SLC28A2: variants seen among roughly 807,000 people sequenced by gnomAD.
The protein encoded by SLC28A2 is solute carrier family 28 member 2, also known as sodium/nucleoside cotransporter 2.
In SLC28A2, 69 loss-of-function variants were observed where a neutral mutation model predicts 72.9. That is an observed-to-expected ratio of 0.95 (90% CI 0.78 to 1.16). The LOEUF (loss-of-function observed/expected upper bound fraction) is 1.16, where lower values mean the gene tolerates loss of function less well. SLC28A2 is among the 50% of genes most tolerant of loss of function. The pLI is 0.00. For synonymous variants in SLC28A2, 296 were observed against 294.1 expected (o/e 1.01, Z -0.07); for missense variants, 745 against 791.1 (o/e 0.94, Z 0.70).
Position 45,264,001 on chromosome 15 carries a change from C to T in SLC28A2, c.567C>T (p.Ala189=), listed in dbSNP as rs751519946. Residue 189 remains alanine, a synonymous_variant, in exon 6 of 18, where the codon GCC becomes GCT. Transcript: ENST00000347644. ...GCATGTTCATCCTTATCCTCTTTGC[C>T]TGCTCCAAACACCACAGCGCAGTGA... is the stretch of plus-strand genomic sequence containing the variant. The part of the protein sequence containing the change: ...GICMFILILF[A]CSKHHSAVSW... 1.2e-6 allele frequency: 2 copies of T among 1,612,924 alleles called. No homozygotes were observed. Among genetic ancestry groups the T allele is most frequent in the South Asian group, 1.1e-5 (1 of 90,558 alleles).
intron 4 of SLC28A2, among the ~76,000 whole-genome samples, chr15:45,262,365 A>G (rs1423134405): frequency 6.6e-6 from 1 of 152,216 alleles, no homozygotes; most frequent in East Asian, 1.9e-4. Context: ...ATGGGGGCTT[A>G]TCCTTTTTTT....
intron 1 of SLC28A2, 111 bp from the exon 2 acceptor site, chr15:45,253,089 A>C (rs556067477): frequency 9.6e-6 from 6 of 623,756 alleles, no homozygotes; most frequent in African/African-American, 7.3e-5. Flanking sequence ...CTAAGCCTTC[A>C]AAGACTTTTA....
In SLC28A2 at chr15:45,267,445, G is replaced by GT; in HGVS notation, c.943-9dup. On this transcript the variant is annotated splice_polypyrimidine_tract_variant and intron_variant, in intron 10 of 17. Coordinates refer to ENST00000347644, the MANE Select transcript of SLC28A2 (RefSeq NM_004212.4). ...TTCTTGGAATCTGACTGTTTTCTCC[G>GT]TGTTTGTAGACAGAGGCACCTCTGC... The GT allele has an allele frequency of 6.2e-7, 1 of 1,614,068 alleles. No homozygotes were observed. The highest frequency in any genetic ancestry group is 8.5e-7 in the Non-Finnish European group (1 of 1,179,948).
chr15:45,253,949 CAGA>C (rs1376622269), intron 3 of SLC28A2: 1 of 157,116 alleles, frequency 6.4e-6, no homozygotes, highest in Non-Finnish European at 1.4e-5. Flanking sequence ...GGAGAAAACA[CAGA>C]AGGACTTATT....
In SLC28A2 at chr15:45,263,962, C is replaced by G; in HGVS notation, c.528C>G (p.Pro176=). ...CCCAAAGGCCAGAGCAGCTGATCCC[C>G]TTTGCAGGAATCTGCATGTTCATCC... is the stretch of plus-strand genomic sequence containing the variant. ...DTAQRPEQLI[P]FAGICMFILI... is the part of the protein sequence containing the mutation. The change falls in exon 6 of 18, where the codon CCC becomes CCG. Residue 176 remains proline, a synonymous_variant. Coordinates refer to ENST00000347644, the MANE Select transcript of SLC28A2 (RefSeq NM_004212.4). 1 of 1,613,700 alleles carries G rather than the reference C, an allele frequency of 6.2e-7. No individual in the cohort carries two copies. The highest frequency in any genetic ancestry group is 1.1e-5 in the South Asian group (1 of 90,884).
chr15:45,273,661 G>A (rs973418507), intron 17 of SLC28A2, among the ~76,000 whole-genome samples: 1 of 152,208 alleles, frequency 6.6e-6, no homozygotes. Flanking sequence ...GAATGGCAAG[G>A]AGACCAACAA....
rs1900252584 is a variant in SLC28A2 at position 45,264,161 on chromosome 15, A to G, written c.588+139A>G. 4 of 793,314 alleles carry G rather than the reference A, an allele frequency of 5.0e-6. 1 individual carries two copies. The South Asian group carries it at 1.3e-4, about 26-fold the overall frequency. 49.1% of individuals were successfully genotyped at this position (793,314 alleles called of 1,614,324 possible). A position where few individuals can be genotyped will look rare whatever the true frequency, so the allele number is the denominator to read the frequency against. On this transcript the variant is annotated intron_variant, in intron 6 of 17. Transcript: ENST00000347644. ...AACCCCTAGAATTTGCCTCTTTGAT[A>G]ATTTTGTTTCTAAGATAAGTTTAAA...
intron 7 of SLC28A2, 108 bp from the exon 8 acceptor site, chr15:45,264,981 C>A: frequency 1.1e-6 from 1 of 917,600 alleles, no homozygotes; most frequent in Non-Finnish European, 1.8e-6. Flanking sequence ...GGAGGCCAAC[C>A]TCAGTAGCAA....
chr15:45,262,927 T>C, intron 4 of SLC28A2, 134 bp from the exon 5 acceptor site: 1 of 666,860 alleles, frequency 1.5e-6, no homozygotes, highest in Non-Finnish European at 2.6e-6. Context: ...CAGTTCTGTC[T>C]GACAGTAGGG....
intron 15 of SLC28A2, among the ~76,000 whole-genome samples, chr15:45,270,841 T>C (rs560931267): frequency 5.3e-5 from 8 of 152,106 alleles, no homozygotes; most frequent in Non-Finnish European, 1.0e-4. Flanking sequence ...TTTCACCATG[T>C]TGGCCAAGCT....
chr15:45,256,860 A>G (rs1369523113), intron 3 of SLC28A2, among the ~76,000 whole-genome samples: 1 of 152,088 alleles, frequency 6.6e-6, no homozygotes, highest in African/African-American at 2.4e-5. Flanking sequence ...AAAACTACCT[A>G]AAGTATGTCT....
rs752423012 is a variant in SLC28A2, at chr15:45,267,776, G to A, written c.1179G>A (p.Glu393=). Residue 393 remains glutamate (E), a synonymous_variant, in exon 12 of 18, where the codon GAG becomes GAA. Coordinates refer to ENST00000347644, the MANE Select transcript of SLC28A2 (RefSeq NM_004212.4). Reference sequence around the variant, plus strand: ...AGGAGTCCAAGTTCAAGAGTGAGGAGGGGGTAAAGCTGCCCCGTGGGTGAG... The same window carrying A: ...AGGAGTCCAAGTTCAAGAGTGAGGAAGGGGTAAAGCTGCCCCGTGGGTGAG... ...EVEESKFKSE[E]GVKLPRGKER... 7 of 1,613,946 alleles carry A rather than the reference G, an allele frequency of 4.3e-6. No individual in the cohort carries two copies. The highest frequency in any genetic ancestry group is 1.3e-5 in the African/African-American group (1 of 74,898).
At chr15:45,257,440 A>G (rs1451557073) in intron 3 of SLC28A2, among the ~76,000 whole-genome samples, 2 of 152,224 alleles carry the variant, frequency 1.3e-5, no homozygotes, top group Admixed American at 6.5e-5. Flanking sequence ...TTTGTCTCCT[A>G]TAACACTGGA....
intron 6 of SLC28A2, among the ~76,000 whole-genome samples, chr15:45,264,224 G>A (rs565580148): frequency 3.9e-5 from 6 of 152,262 alleles, no homozygotes; most frequent in Non-Finnish European, 7.4e-5. Flanking sequence ...TTTTCAAACT[G>A]TAGATTGTGA....
chr15:45,269,923 C>T (rs940164056), intron 14 of SLC28A2, among the ~76,000 whole-genome samples: 2 of 152,202 alleles, frequency 1.3e-5, no homozygotes, highest in African/African-American at 4.8e-5. Flanking sequence ...TTGCCTCTCT[C>T]CTCCTCCTTC....
chr15:45,272,868 T>C (rs1900629244), intron 17 of SLC28A2, 84 bp downstream of exon 17: 7 of 740,284 alleles, frequency 9.5e-6, no homozygotes, highest in Non-Finnish European at 1.7e-5. Flanking sequence ...ATAGAGTGTA[T>C]AAGGGCTGTG....
chr15:45,263,943 G>A lies in SLC28A2; in HGVS notation c.509G>A (p.Arg170Lys). The A allele has an allele frequency of 6.2e-7, 1 of 1,613,712 alleles. No individual in the cohort carries two copies. The highest frequency in any genetic ancestry group is 1.1e-5 in the South Asian group (1 of 90,896). Reference sequence around the variant, plus strand: ...TGGTTGGCTTTAGACACAGCCCAAAGGCCAGAGCAGCTGATCCCCTTTGCA... The same window carrying A: ...TGGTTGGCTTTAGACACAGCCCAAAAGCCAGAGCAGCTGATCCCCTTTGCA... Reference protein sequence around the residue: ...ILWLALDTAQRPEQLIPFAGI... With the variant: ...ILWLALDTAQKPEQLIPFAGI... Residue 170 changes from arginine to lysine, a missense_variant, in exon 6 of 18, where the codon AGG becomes AAG. Coordinates refer to ENST00000347644, the MANE Select transcript of SLC28A2 (RefSeq NM_004212.4).
Position 45,265,568 on chromosome 15 carries a change from C to T in SLC28A2, c.781-15C>T. On this transcript the variant is annotated splice_polypyrimidine_tract_variant and intron_variant, in intron 8 of 17. Coordinates refer to ENST00000347644, the MANE Select transcript of SLC28A2 (RefSeq NM_004212.4). ...CAATGTAACATCTCACCACCTGCTA[C>T]CATTCTCATTACAGGCCTTACCAAT... 1 of 1,587,038 alleles carries T rather than the reference C, an allele frequency of 6.3e-7. No individual in the cohort carries two copies. Among genetic ancestry groups the T allele is most frequent in the Non-Finnish European group, 8.7e-7 (1 of 1,155,348 alleles).
At position 45,268,193 on chromosome 15, in the gene SLC28A2, C is replaced by T; in HGVS notation, c.1200-17C>T. ...GCTGTAGACACCCTACTCTTGCCCT[C>T]TGCCCAATAACCACAGGAAGGAGAG... On this transcript the variant is annotated splice_polypyrimidine_tract_variant and intron_variant, in intron 12 of 17. Transcript: ENST00000347644. 1.3e-6 allele frequency: 2 copies of T among 1,590,656 alleles called. No individual in the cohort carries two copies. The highest frequency in any genetic ancestry group is 1.7e-6 in the Non-Finnish European group (2 of 1,161,284).
Sources: gnomAD v4.1 joint callset for allele counts (sites outside exome capture counted in the v4.1 genomes callset) on GRCh38, gnomAD v4.1.1 for gene constraint, MANE v1.5 for transcripts, NCBI Gene and HGNC (gene_info 2026-07-23, HGNC 2026-07-21) for gene names.